Variants in LRMDA observed in about 807,000 individuals in gnomAD.
LRMDA encodes the protein leucine-rich melanocyte differentiation-associated protein.
LRMDA carries 18 observed loss-of-function variants against 29.8 expected under a neutral mutation model. The observed-to-expected ratio is 0.60, with a 90% CI of 0.42 to 0.90. LRMDA has a LOEUF of 0.90. Ranked by LOEUF, LRMDA falls within the 40% of genes least tolerant of loss-of-function variation. The pLI is 0.00. For synonymous variants in LRMDA, 125 were observed against 109.4 expected (o/e 1.14, Z -0.89); for missense variants, 273 against 273.9 (o/e 1.00, Z 0.02).
intron 2 of LRMDA, among the ~76,000 whole-genome samples, chr10:75,913,578 G>C (rs1845879891): frequency 6.6e-6 from 1 of 152,236 alleles, no homozygotes; most frequent in Non-Finnish European, 1.5e-5. Context: ...ATAGAGAAGT[G>C]AGCCCTGCCT....
intron 5 of LRMDA, among the ~76,000 whole-genome samples, chr10:76,283,625 A>G (rs1207028143): frequency 6.6e-6 from 1 of 152,210 alleles, no homozygotes; most frequent in African/African-American, 2.4e-5. Flanking sequence ...AAAGAGTGCT[A>G]TATAGGTATT....
intron 6 of LRMDA, among the ~76,000 whole-genome samples, chr10:76,456,149 AT>A (rs1456808689): frequency 1.3e-5 from 2 of 152,176 alleles, no homozygotes; most frequent in African/African-American, 2.4e-5. Flanking sequence ...GTCATCTAAA[AT>A]AAGGAACAAC....
intron 5 of LRMDA, among the ~76,000 whole-genome samples, chr10:76,203,659 C>T (rs1485431055): frequency 6.6e-5 from 10 of 151,430 alleles, no homozygotes; most frequent in Admixed American, 3.9e-4. Flanking sequence ...TCCATGTGCC[C>T]GTCCACCCAT....
At chr10:76,169,138 G>A (rs1407121011) in intron 5 of LRMDA, among the ~76,000 whole-genome samples, 1 of 152,094 alleles carries the variant, frequency 6.6e-6, no homozygotes, top group African/African-American at 2.4e-5. Context: ...TAAAATTATT[G>A]GCAGGAAAAT....
intron 5 of LRMDA, among the ~76,000 whole-genome samples, chr10:76,088,684 T>C (rs1270697504): frequency 6.6e-6 from 1 of 152,228 alleles, no homozygotes; most frequent in Non-Finnish European, 1.5e-5. Flanking sequence ...ACTTAAACCT[T>C]TTTGAAATAT....
At chr10:76,033,806 C>T (rs1848192230) in intron 2 of LRMDA, among the ~76,000 whole-genome samples, 1 of 152,038 alleles carries the variant, frequency 6.6e-6, no homozygotes, top group Non-Finnish European at 1.5e-5. Flanking sequence ...GCACATCACT[C>T]CCTAACCCCT....
At chr10:76,025,242 G>A (rs1294442465) in intron 2 of LRMDA, among the ~76,000 whole-genome samples, 1 of 149,744 alleles carries the variant, frequency 6.7e-6, no homozygotes, top group Admixed American at 6.7e-5. Context: ...ATAGCCCAGA[G>A]AAGGAGAATG....
At chr10:76,224,792 T>C (rs564992408) in intron 5 of LRMDA, among the ~76,000 whole-genome samples, 1 of 150,996 alleles carries the variant, frequency 6.6e-6, no homozygotes, top group South Asian at 2.1e-4. Context: ...TAGGAAGAAT[T>C]AACTAACCCT....
At chr10:75,701,525 A>G (rs746984720) in intron 2 of LRMDA, among the ~76,000 whole-genome samples, 7 of 152,174 alleles carry the variant, frequency 4.6e-5, no homozygotes, top group Admixed American at 1.3e-4. Context: ...TTTTTGATAG[A>G]TCTAATAATG....
chr10:76,077,710 T>C (rs1441925389), intron 5 of LRMDA, among the ~76,000 whole-genome samples: 1 of 152,098 alleles, frequency 6.6e-6, no homozygotes, highest in Non-Finnish European at 1.5e-5. Flanking sequence ...AAGAAGCTGC[T>C]CAAATCCTGT....
chr10:76,053,134 T>C (rs999414281), intron 4 of LRMDA, among the ~76,000 whole-genome samples: 10 of 152,138 alleles, frequency 6.6e-5, no homozygotes, highest in African/African-American at 2.4e-4. Context: ...ACACCCAGAA[T>C]TACTTACCTG....
chr10:75,635,315 G>A (rs1485820488), intron 2 of LRMDA, among the ~76,000 whole-genome samples: 2 of 152,098 alleles, frequency 1.3e-5, no homozygotes, highest in East Asian at 1.9e-4. Context: ...CTAGAGCCCC[G>A]AGAATTGTGC....
chr10:76,025,803 C>T (rs1317101419), intron 2 of LRMDA, among the ~76,000 whole-genome samples: 1 of 152,202 alleles, frequency 6.6e-6, no homozygotes, highest in African/African-American at 2.4e-5. Flanking sequence ...CCAGCCCCAG[C>T]CCCTTCTCAG....
At chr10:75,898,619 A>T (rs995317913) in intron 2 of LRMDA, among the ~76,000 whole-genome samples, 1 of 152,170 alleles carries the variant, frequency 6.6e-6, no homozygotes. Context: ...TGAAAAAAAA[A>T]ACACACATTT....
chr10:76,153,922 G>A (rs1426869611), intron 5 of LRMDA, among the ~76,000 whole-genome samples: 3 of 152,228 alleles, frequency 2.0e-5, no homozygotes, highest in Admixed American at 2.0e-4. Context: ...TGCTTCAAAT[G>A]TTGGCAGTGG....
intron 5 of LRMDA, among the ~76,000 whole-genome samples, chr10:76,228,705 C>A (rs984126043): frequency 1.3e-5 from 2 of 152,090 alleles, no homozygotes; most frequent in Non-Finnish European, 2.9e-5. Context: ...CTCAAAAGGC[C>A]AACCTACAAT....
chr10:75,817,451 T>C (rs1345078750), intron 2 of LRMDA, among the ~76,000 whole-genome samples: 2 of 152,234 alleles, frequency 1.3e-5, no homozygotes, highest in Non-Finnish European at 1.5e-5. Context: ...TTTCCAACTC[T>C]GTGATTTTAA....
intron 5 of LRMDA, among the ~76,000 whole-genome samples, chr10:76,115,357 G>A (rs10824368): frequency 0.35 from 53,003 of 152,142 alleles, 10,619 homozygotes; most frequent in East Asian, 0.66. Context: ...TGATCTTTGC[G>A]TCTCTGCATT....
chr10:75,486,532 A>G (rs770395561), intron 2 of LRMDA, among the ~76,000 whole-genome samples: 8 of 152,182 alleles, frequency 5.3e-5, no homozygotes, highest in Non-Finnish European at 5.9e-5. Flanking sequence ...ATAGGAGTTG[A>G]CTGAGAGAGC....
Sources: allele counts gnomAD v4.1 joint callset (sites outside exome capture counted in the v4.1 genomes callset), GRCh38; gene constraint gnomAD v4.1.1; transcripts MANE v1.5; gene names NCBI Gene and HGNC (gene_info 2026-07-23, HGNC 2026-07-21).